KCNQ1: variants seen among roughly 807,000 people sequenced by gnomAD.
KCNQ1 encodes the protein potassium voltage-gated channel subfamily Q member 1, also known as potassium voltage-gated channel subfamily KQT member 1.
KCNQ1 carries 49 observed loss-of-function variants against 72.4 expected under a neutral mutation model. That is an observed-to-expected ratio of 0.68 (90% CI 0.54 to 0.86). The LOEUF (loss-of-function observed/expected upper bound fraction) is 0.86, where lower values mean the gene tolerates loss of function less well. KCNQ1 is among the 40% of genes least tolerant of loss of function. The pLI is 0.00. For missense variants in KCNQ1, 790 were observed against 945.1 expected, an observed-to-expected ratio of 0.84 and a Z score of 2.15; for synonymous variants, 450 against 412.6, an observed-to-expected ratio of 1.09 and a Z score of -1.10.
At position 2,712,366 on chromosome 11, in the gene KCNQ1, G is replaced by C. The variant is rs1193579691; in HGVS notation, c.1514+50285G>C. On this transcript the variant is annotated intron_variant, in intron 11 of 15. Transcript: ENST00000155840. The surrounding 1 kb of genome is among the most constrained non-coding windows in gnomAD (Gnocchi z 6.4). ...ATCATCACAACCCTCGCTGGGGCTG[G>C]GGTGCAAATGGGGCAGGAACAGGAG... is the stretch of plus-strand genomic sequence containing the variant. 1.3e-5 allele frequency among the ~76,000 whole-genome samples: 2 copies of C among 152,162 alleles called. No individual in the cohort carries two copies. The highest frequency in any genetic ancestry group is 2.9e-5 in the Non-Finnish European group (2 of 68,012).
At chr11:2,763,516 A>G (rs1846445582) in intron 11 of KCNQ1, among the ~76,000 whole-genome samples, 1 of 152,192 alleles carries the variant, frequency 6.6e-6, no homozygotes, top group Admixed American at 6.5e-5. Flanking sequence ...GGTCAAGTTT[A>G]TGGTTATTGA....
At chr11:2,742,308 A>G (rs765959307) in intron 11 of KCNQ1, among the ~76,000 whole-genome samples, 8 of 152,188 alleles carry the variant, frequency 5.3e-5, no homozygotes, top group Non-Finnish European at 8.8e-5. Context: ...CCTGTGCCCC[A>G]AGATCAGATA....
rs1216870865 is a variant in KCNQ1, at chr11:2,661,435, T to C, written c.1394-526T>C. On this transcript the variant is annotated intron_variant, in intron 10 of 15. Coordinates refer to ENST00000155840, the MANE Select transcript of KCNQ1 (RefSeq NM_000218.3). The surrounding 1 kb of genome is among the most constrained non-coding windows in gnomAD (Gnocchi z 5.9). ...CCTCATTGGGGGTACAACTGGTTGA[T>C]GTAGCATCGTGTTTTGAGGAAGGAG... 1 of 435,906 alleles carries C rather than the reference T, an allele frequency of 2.3e-6. No homozygotes were observed. Among genetic ancestry groups the C allele is most frequent in the African/African-American group, 2.0e-5 (1 of 49,862 alleles). The allele number at this position is 435,906 out of a possible 1,614,324, so 27.0% of individuals were successfully genotyped here.
At chr11:2,502,987 GA>G (rs2133647046) in intron 1 of KCNQ1, among the ~76,000 whole-genome samples, 1 of 152,236 alleles carries the variant, frequency 6.6e-6, no homozygotes, top group East Asian at 1.9e-4. Context: ...TCCATATGCA[GA>G]AGAATGAAAC....
rs1400439877 is a variant in KCNQ1, at chr11:2,458,555, C to T, written c.386+13071C>T. Among the ~76,000 whole-genome samples, 1 of 152,238 alleles carries T rather than the reference C, an allele frequency of 6.6e-6. No homozygotes were observed. Among genetic ancestry groups the T allele is most frequent in the South Asian group, 2.1e-4 (1 of 4,836 alleles). The stretch of plus-strand genomic sequence containing the variant: ...GTCAGGGATTCCGCATGCAGCGTCA[C>T]AGCTGCCAACCTCTCCAAAGCAGTA... On this transcript the variant is annotated intron_variant, in intron 1 of 15. Transcript: ENST00000155840. The surrounding 1 kb of genome is among the most constrained non-coding windows in gnomAD (Gnocchi z 4.6).
chr11:2,701,007 G>A (rs1161096297), intron 11 of KCNQ1, among the ~76,000 whole-genome samples: 7 of 152,224 alleles, frequency 4.6e-5, no homozygotes. Flanking sequence ...GTGTTGGAAT[G>A]CAGGACTCTG....
At position 2,483,988 on chromosome 11, in the gene KCNQ1, G is replaced by A. The variant is rs148979949; in HGVS notation, c.386+38504G>A. ...CAAAGTCTGTGGTGCTTGCCAAATG[G>A]GGATTTGTTTATTTCCCACTTTCTT... is the stretch of plus-strand genomic sequence containing the variant. On this transcript the variant is annotated intron_variant, in intron 1 of 15. Coordinates refer to ENST00000155840, the MANE Select transcript of KCNQ1 (RefSeq NM_000218.3). This position sits in a 1 kb window ranked among gnomAD's most constrained non-coding sequence, Gnocchi z 6.1. Among the ~76,000 whole-genome samples the A allele has an allele frequency of 6.6e-4, 101 of 152,226 alleles. 1 individual carries two copies. Among genetic ancestry groups the A allele is most frequent in the Non-Finnish European group, 1.2e-3 (81 of 68,000 alleles).
chr11:2,806,689 G>T (rs772766283), intron 15 of KCNQ1, among the ~76,000 whole-genome samples: 2 of 152,170 alleles, frequency 1.3e-5, no homozygotes, highest in Non-Finnish European at 2.9e-5. Flanking sequence ...CATTCTCTCC[G>T]TGGGCATCAT....
intron 11 of KCNQ1, among the ~76,000 whole-genome samples, chr11:2,736,694 T>C (rs1845962911): frequency 6.6e-6 from 1 of 152,140 alleles, no homozygotes; most frequent in Non-Finnish European, 1.5e-5. Flanking sequence ...GCCACTGACA[T>C]AGGTGTGGCC....
Position 2,456,954 on chromosome 11 carries a change from A to AAC in KCNQ1, c.386+11471_386+11472insCA, listed in dbSNP as rs1564786108. ...ACTCGGTCTCAAAAAAAAAAAAAAA[A>AAC]AAAAAAAAAAACCCAAAAAAACAAA... On this transcript the variant is annotated intron_variant, in intron 1 of 15. Coordinates refer to ENST00000155840, the MANE Select transcript of KCNQ1 (RefSeq NM_000218.3). 1.6e-4 allele frequency among the ~76,000 whole-genome samples: 23 copies of AAC among 139,622 alleles called. 5 individuals are homozygous for AAC. Among genetic ancestry groups the AAC allele is most frequent in the East Asian group, 8.3e-4 (4 of 4,824 alleles). The allele number at this position is 139,622 out of a possible 152,430, so 91.6% of individuals were successfully genotyped here.
rs1847736933 is a variant in KCNQ1, at chr11:2,536,696, G to C, written c.477+8678G>C. Reference sequence around the variant, plus strand: ...AGGGCGTGGCTCTCCCTCCCAGCCTGCCAGAGGGACCGCTGGGCCTATCTC... The same window carrying C: ...AGGGCGTGGCTCTCCCTCCCAGCCTCCCAGAGGGACCGCTGGGCCTATCTC... On this transcript the variant is annotated intron_variant, in intron 2 of 15. Coordinates refer to ENST00000155840, the MANE Select transcript of KCNQ1 (RefSeq NM_000218.3). This position sits in a 1 kb window ranked among gnomAD's most constrained non-coding sequence, Gnocchi z 7.4. 1.3e-5 allele frequency among the ~76,000 whole-genome samples: 2 copies of C among 150,854 alleles called. No individual in the cohort carries two copies. Among genetic ancestry groups the C allele is most frequent in the African/African-American group, 5.0e-5 (2 of 40,214 alleles).
At chr11:2,733,774 C>CCATACACA (rs1554914234) in intron 11 of KCNQ1, among the ~76,000 whole-genome samples, 1 of 57,492 alleles carries the variant, frequency 1.7e-5, no homozygotes, top group African/African-American at 6.6e-5. Flanking sequence ...TTCAGGCCTT[C>CCATACACA]CACACACACA....
At chr11:2,786,683 C>G (rs1846921587) in intron 15 of KCNQ1, among the ~76,000 whole-genome samples, 2 of 151,814 alleles carry the variant, frequency 1.3e-5, no homozygotes, top group African/African-American at 2.4e-5. Flanking sequence ...GCTGTTAAAA[C>G]TGTTCAGTGA....
At chr11:2,506,168 A>G (rs115550087) in intron 1 of KCNQ1, among the ~76,000 whole-genome samples, 1,769 of 152,206 alleles carry the variant, frequency 0.012, 28 homozygotes, top group African/African-American at 0.04. Context: ...AAGTCTTTCT[A>G]TTTTCTCCTA....
At chr11:2,731,312 G>C (rs1048508625) in intron 11 of KCNQ1, among the ~76,000 whole-genome samples, 47 of 152,256 alleles carry the variant, frequency 3.1e-4, no homozygotes, top group Non-Finnish European at 6.3e-4. Context: ...GTTGCATGGA[G>C]AGAACAATGC....
At position 2,669,806 on chromosome 11, in the gene KCNQ1, A is replaced by C; in HGVS notation, c.1514+7725A>C. On this transcript the variant is annotated intron_variant, in intron 11 of 15. Transcript: ENST00000155840. The surrounding 1 kb of genome is among the most constrained non-coding windows in gnomAD (Gnocchi z 5.6). ...GGGGACATTCCTTATTTGGCCTGAGAGCTTTTGAGACTGCCAGGTCATGAG... is the reference window on the plus strand; with the variant it reads ...GGGGACATTCCTTATTTGGCCTGAGCGCTTTTGAGACTGCCAGGTCATGAG... The C allele has an allele frequency of 2.5e-6, 1 of 398,546 alleles. No individual in the cohort carries two copies. Among genetic ancestry groups the C allele is most frequent in the East Asian group, 3.6e-5 (1 of 28,072 alleles). The allele number at this position is 398,546 out of a possible 1,614,324, so 24.7% of individuals were successfully genotyped here.
rs1368116144 is a variant in KCNQ1 at position 2,495,124 on chromosome 11, A to C, written c.387-32804A>C. 2.0e-5 allele frequency among the ~76,000 whole-genome samples: 3 copies of C among 152,022 alleles called. No individual in the cohort carries two copies. Among genetic ancestry groups the C allele is most frequent in the Non-Finnish European group, 2.9e-5 (2 of 68,010 alleles). ...TTTCTAGATTTTCTAGTTTATTTGC[A>C]TGGAGGTGTTTTTAGTATTCTCTGA... On this transcript the variant is annotated intron_variant, in intron 1 of 15. Transcript: ENST00000155840. The surrounding 1 kb of genome is among the most constrained non-coding windows in gnomAD (Gnocchi z 4.6).
chr11:2,635,434 A>G (rs1228342300), intron 10 of KCNQ1: 2 of 152,230 alleles, frequency 1.3e-5, no homozygotes, highest in Non-Finnish European at 2.9e-5. Flanking sequence ...TTTATTAAAT[A>G]GGGAATCCTT....
At chr11:2,688,322 C>T (rs1407788871) in intron 11 of KCNQ1, 3 of 398,712 alleles carry the variant, frequency 7.5e-6, no homozygotes, top group East Asian at 3.6e-5. Flanking sequence ...GCACGTCACA[C>T]ACACAGCTTC....
Sources: allele counts gnomAD v4.1 joint callset (sites outside exome capture counted in the v4.1 genomes callset), GRCh38; gene constraint gnomAD v4.1.1; non-coding constraint Gnocchi (gnomAD v3.1); transcripts MANE v1.5; gene names NCBI Gene and HGNC (gene_info 2026-07-23, HGNC 2026-07-21).